The following MYH11 variants were observed in gnomAD, a reference collection of about 807,000 sequenced individuals.
MYH11 encodes the protein myosin heavy chain 11.
A neutral mutation model predicts 246.6 loss-of-function variants in MYH11; 80 were observed. The ratio of observed to expected loss-of-function variants is 0.32; its 90% CI spans 0.27 to 0.39. The LOEUF (loss-of-function observed/expected upper bound fraction) is 0.39, where lower values mean the gene tolerates loss of function less well. Ranked by LOEUF, MYH11 falls within the 10% of genes least tolerant of loss-of-function variation. The pLI, the probability that MYH11 is intolerant of heterozygous loss-of-function variation, is 1.00. For missense variants in MYH11, 2,158 were observed against 2,546.8 expected (o/e 0.85, Z 3.29); for synonymous variants, 1,071 against 1,015.5 (o/e 1.05, Z -1.04).
intron 5 of MYH11, 79 bp from the exon 6 acceptor site, chr16:15,782,556 A>G (rs2042382149): frequency 8.6e-7 from 1 of 1,160,674 alleles, no homozygotes; most frequent in Middle Eastern, 1.9e-4. Context: ...TGTTGTCACA[A>G]AACTCTGCCC....
At chr16:15,730,706 G>A (rs1405079374) in intron 27 of MYH11, among the ~76,000 whole-genome samples, 1 of 152,192 alleles carries the variant, frequency 6.6e-6, no homozygotes, top group Non-Finnish European at 1.5e-5. Flanking sequence ...AGGGGATGTG[G>A]AGGAGCTGCA....
At chr16:15,726,614 C>T (rs547353813) in intron 28 of MYH11, 8 of 598,828 alleles carry the variant, frequency 1.3e-5, no homozygotes, top group Admixed American at 8.3e-5. Context: ...GTGATCCACC[C>T]ACCTCTGTCT....
In MYH11 at chr16:15,823,277, C is replaced by A. The variant is rs544644151; in HGVS notation, c.480G>T (p.Thr160=). ...MPPHIYAIAD[T]AYRSMLQDRE... is the part of the protein sequence containing the mutation. The stretch of plus-strand genomic sequence containing the variant: ...CACCTTGAAGCATGCTCCGGTAGGC[C>A]GTGTCTGCGATGGCGTAGATGTGAG... Residue 160 remains threonine (T), a synonymous_variant, in exon 3 of 41, where the codon ACG becomes ACT. Coordinates refer to ENST00000300036, the MANE Select transcript of MYH11 (RefSeq NM_002474.3). 1.2e-6 allele frequency: 2 copies of A among 1,614,176 alleles called. No individual in the cohort carries two copies. Among genetic ancestry groups the A allele is most frequent in the South Asian group, 1.1e-5 (1 of 91,078 alleles).
Position 15,756,505 on chromosome 16 carries a change from G to A in MYH11, c.1585C>T (p.Pro529Ser), listed in dbSNP as rs1358632004. The A allele has an allele frequency of 1.9e-6, 3 of 1,614,154 alleles. No individual in the cohort carries two copies. The South Asian group carries it at 3.3e-5, about 18-fold the overall frequency. ...TCGTCCAGCAGGGCCAGCACACCTG[G>A]AGGGTTGTTCTGTGGGAGACAAGTA... ...IELIERPNNPPGVLALLDEEC... is the reference protein window; with the variant it reads ...IELIERPNNPSGVLALLDEEC... The change falls in exon 14 of 41, where the codon CCA becomes TCA. Residue 529 changes from proline (P) to serine (S), a missense_variant. By Grantham distance (74) the Pro-to-Ser change is moderately conservative. This residue lies in a region of MYH11 where 317 missense variants were observed against 507.7 expected (regional missense o/e 0.62). Coordinates refer to ENST00000300036, the MANE Select transcript of MYH11 (RefSeq NM_002474.3).
rs548480265 is a variant in MYH11, at chr16:15,706,384, T to C, written c.5787-2261A>G. ...CTGTACGCTCCCCACACAGCTCTCT[T>C]CGTCACAGTTTTAACTCCAGGTTCA... On this transcript the variant is annotated intron_variant, in intron 40 of 40. Transcript: ENST00000300036. Among the ~76,000 whole-genome samples, 19 of 152,158 alleles carry C rather than the reference T, an allele frequency of 1.2e-4. No homozygotes were observed. The South Asian group carries it at 3.9e-3, about 32-fold the overall frequency.
intron 3 of MYH11, among the ~76,000 whole-genome samples, chr16:15,815,239 T>A (rs1316750025): frequency 6.6e-6 from 1 of 152,052 alleles, no homozygotes; most frequent in African/African-American, 2.4e-5. Flanking sequence ...TCTGAAGAAA[T>A]CCACTAATAT....
intron 36 of MYH11, 175 bp from the exon 37 acceptor site, chr16:15,718,613 G>C: frequency 1.0e-6 from 1 of 989,480 alleles, no homozygotes. Context: ...GGACAGCCGG[G>C]ACTCAGGCCG....
In MYH11 at chr16:15,723,263, A is replaced by G. The variant is rs150183925; in HGVS notation, c.4365+898T>C. Among the ~76,000 whole-genome samples, 574 of 152,240 alleles carry G rather than the reference A, an allele frequency of 3.8e-3. 5 individuals carry two copies. The highest frequency in any genetic ancestry group is 0.013 in the African/African-American group (558 of 41,538). Reference sequence around the variant, plus strand: ...AAACTCTAATTAATATGCAATGTTGAGGTGTGGAAGGGGAAATGTACTGAC... The same window carrying G: ...AAACTCTAATTAATATGCAATGTTGGGGTGTGGAAGGGGAAATGTACTGAC... On this transcript the variant is annotated intron_variant, in intron 31 of 40. Coordinates refer to ENST00000300036, the MANE Select transcript of MYH11 (RefSeq NM_002474.3).
At chr16:15,777,538 G>A (rs1010484229) in intron 7 of MYH11, among the ~76,000 whole-genome samples, 3 of 152,094 alleles carry the variant, frequency 2.0e-5, no homozygotes, top group African/African-American at 7.2e-5. Context: ...GCTATGCCTG[G>A]GGCTCGCTCT....
intron 24 of MYH11, 48 bp downstream of exon 24, chr16:15,738,517 A>G (rs751211249): frequency 6.5e-7 from 1 of 1,549,092 alleles, no homozygotes; most frequent in South Asian, 1.2e-5. Flanking sequence ...CATCTCTAAA[A>G]AAAATAATAA....
chr16:15,796,176 C>T (rs1226461592), intron 4 of MYH11, among the ~76,000 whole-genome samples: 3 of 152,126 alleles, frequency 2.0e-5, no homozygotes, highest in Non-Finnish European at 4.4e-5. Flanking sequence ...AGGCAGGAAC[C>T]GCTATCTAAA....
rs1412195773 is a variant in MYH11, at chr16:15,703,750, A to G, written c.*241T>C. 3 of 543,170 alleles carry G rather than the reference A, an allele frequency of 5.5e-6. No individual in the cohort carries two copies. The South Asian group carries it at 5.5e-5, about 10-fold the overall frequency. 33.6% of individuals were successfully genotyped at this position (543,170 alleles called of 1,614,324 possible). ...ACCACAGGTGTGTACCACCACGCCC[A>G]GCTTATTTTTAAATTCTTGTATAGA... On this transcript the variant is annotated 3_prime_UTR_variant, in exon 41 of 41. Coordinates refer to ENST00000300036, the MANE Select transcript of MYH11 (RefSeq NM_002474.3).
intron 1 of MYH11, among the ~76,000 whole-genome samples, chr16:15,849,857 G>T (rs920410941): frequency 2.0e-5 from 3 of 152,270 alleles, no homozygotes; most frequent in Non-Finnish European, 4.4e-5. Context: ...GGTGACTCTG[G>T]ACAAGTCACT....
chr16:15,734,219 G>A (rs1191491644), intron 26 of MYH11, among the ~76,000 whole-genome samples: 1 of 152,146 alleles, frequency 6.6e-6, no homozygotes, highest in African/African-American at 2.4e-5. Context: ...TTGGAGCTTG[G>A]GGACTGACTG....
chr16:15,717,624 GTC>G, intron 37 of MYH11: 1 of 554,734 alleles, frequency 1.8e-6, no homozygotes, highest in Non-Finnish European at 3.2e-6. Flanking sequence ...GTGAAACCCC[GTC>G]TCTATTAAAA....
chr16:15,751,501 C>T (rs900438173), intron 15 of MYH11, among the ~76,000 whole-genome samples: 3 of 151,752 alleles, frequency 2.0e-5, no homozygotes, highest in Admixed American at 1.3e-4. Context: ...TCATCACCTC[C>T]AAGGTTCTTT....
intron 13 of MYH11, among the ~76,000 whole-genome samples, 165 bp downstream of exon 13, chr16:15,757,662 G>GT (rs1417981370): frequency 1.3e-5 from 2 of 152,088 alleles, no homozygotes; most frequent in African/African-American, 2.4e-5. Flanking sequence ...AATGGAAATT[G>GT]TAAGAGTTCA....
chr16:15,744,981 G>C, intron 20 of MYH11, 148 bp downstream of exon 20: 1 of 697,802 alleles, frequency 1.4e-6, no homozygotes, highest in East Asian at 2.5e-5. Flanking sequence ...GCCTCCTCGG[G>C]CCAGAGAACC....
rs2040488956 is a variant in MYH11 at position 15,721,614 on chromosome 16, G to A, written c.4386C>T (p.Asn1462=). The change falls in exon 32 of 41, where the codon AAC becomes AAT. Residue 1462 remains asparagine, a synonymous_variant. Coordinates refer to ENST00000300036, the MANE Select transcript of MYH11 (RefSeq NM_002474.3). ...TCTCATCCGCGTATTTGGAAGAGAT[G>A]TTTTTCTCCTCGGCTAACAACTACA... ...KFDQLLAEEK[N]ISSKYADERD... 1.2e-6 allele frequency: 2 copies of A among 1,614,192 alleles called. No individual in the cohort carries two copies. The highest frequency in any genetic ancestry group is 1.7e-6 in the Non-Finnish European group (2 of 1,180,046).
Sources: allele counts gnomAD v4.1 joint callset (sites outside exome capture counted in the v4.1 genomes callset), GRCh38; gene constraint gnomAD v4.1.1; regional missense constraint gnomAD v4.1.1; transcripts MANE v1.5; gene names NCBI Gene and HGNC (gene_info 2026-07-23, HGNC 2026-07-21).